NEDD4L: variants seen among roughly 807,000 people sequenced by gnomAD.
The protein encoded by NEDD4L is NEDD4 like E3 ubiquitin protein ligase.
In NEDD4L, 54 loss-of-function variants were observed where a neutral mutation model predicts 148.9. The observed-to-expected ratio is 0.36, with a 90% CI of 0.29 to 0.45. The LOEUF is 0.45. Ranked by LOEUF, NEDD4L falls within the 20% of genes least tolerant of loss-of-function variation. The probability of loss-of-function intolerance (pLI) is 1.00; values close to 1 mark genes in which losing one functional copy is unlikely to be tolerated. For missense variants in NEDD4L, 856 were observed against 1,233.8 expected, an observed-to-expected ratio of 0.69 and a Z score of 4.59; for synonymous variants, 433 against 440.7, an observed-to-expected ratio of 0.98 and a Z score of 0.22.
chr18:58,225,532 G>T lies in NEDD4L; in HGVS notation c.123-19895G>T, dbSNP rs1379571856. On this transcript the variant is annotated intron_variant, in intron 2 of 30. Coordinates refer to ENST00000400345, the MANE Select transcript of NEDD4L (RefSeq NM_001144967.3). ...TTGCTTCTTATTTTTTAAGAAAGGG[G>T]AGAAGTGTGGGCAAGGTAAAATACA... 2.6e-5 allele frequency among the ~76,000 whole-genome samples: 4 copies of T among 152,338 alleles called. No homozygotes were observed. In the East Asian group the frequency reaches 7.7e-4, roughly 29 times the overall value.
chr18:58,268,592 A>G (rs911243175), intron 5 of NEDD4L, among the ~76,000 whole-genome samples: 2 of 152,068 alleles, frequency 1.3e-5, no homozygotes, highest in African/African-American at 4.8e-5. Context: ...GATAGACACA[A>G]TCTTAGTTCA....
chr18:58,145,122 C>T (rs1466911267), intron 1 of NEDD4L, among the ~76,000 whole-genome samples: 1 of 152,104 alleles, frequency 6.6e-6, no homozygotes, highest in East Asian at 1.9e-4. Context: ...ACCCCACTGC[C>T]GATGCTGGGA....
intron 1 of NEDD4L, among the ~76,000 whole-genome samples, chr18:58,108,371 A>T (rs377207144): frequency 2.0e-5 from 3 of 152,314 alleles, no homozygotes; most frequent in African/African-American, 7.2e-5. Flanking sequence ...ATATTTTGAA[A>T]TTAAACTTCT....
chr18:58,130,984 G>T (rs1298746669), intron 1 of NEDD4L, among the ~76,000 whole-genome samples: 1 of 135,330 alleles, frequency 7.4e-6, no homozygotes, highest in Non-Finnish European at 1.6e-5. Context: ...GTTGGGCTCT[G>T]TTGGGGTTTG....
In NEDD4L at chr18:58,248,952, G is replaced by A; in HGVS notation, c.243+15G>A. 4 of 1,402,554 alleles carry A rather than the reference G, an allele frequency of 2.9e-6. No individual in the cohort carries two copies. In the East Asian group the frequency reaches 9.9e-5, roughly 35 times the overall value. 86.9% of individuals were successfully genotyped at this position (1,402,554 alleles called of 1,614,324 possible). A position where few individuals can be genotyped will look rare whatever the true frequency, so the allele number is the denominator to read the frequency against. The stretch of plus-strand genomic sequence containing the variant: ...TTTATTTCAGGGTAAGTTTTTCATT[G>A]TTTGGTAATAATTGTTATTGATACG... On this transcript the variant is annotated intron_variant, in intron 4 of 30. Coordinates refer to ENST00000400345, the MANE Select transcript of NEDD4L (RefSeq NM_001144967.3).
At chr18:58,152,846 G>C (rs479131) in intron 1 of NEDD4L, among the ~76,000 whole-genome samples, 81,411 of 152,056 alleles carry the variant, frequency 0.54, 22,495 homozygotes, top group African/African-American at 0.67. Context: ...TCTTAGGCAC[G>C]TCTTCCAGCA....
chr18:58,280,544 A>G (rs760308585), intron 5 of NEDD4L, among the ~76,000 whole-genome samples: 43 of 152,316 alleles, frequency 2.8e-4, no homozygotes, highest in Admixed American at 8.5e-4. Flanking sequence ...AAGTCTGTGC[A>G]TATTGGTAGG....
At chr18:58,147,731 A>C (rs2034248765) in intron 1 of NEDD4L, among the ~76,000 whole-genome samples, 1 of 152,234 alleles carries the variant, frequency 6.6e-6, no homozygotes, top group Non-Finnish European at 1.5e-5. Flanking sequence ...CCGATTCTAT[A>C]TTTTGAGGTT....
At chr18:58,160,803 A>C (rs762381711) in intron 1 of NEDD4L, among the ~76,000 whole-genome samples, 2 of 152,302 alleles carry the variant, frequency 1.3e-5, no homozygotes, top group African/African-American at 2.4e-5. Flanking sequence ...TGTGTCTCTA[A>C]AATGCATGTG....
chr18:58,089,341 GC>G (rs1050887690), intron 1 of NEDD4L, among the ~76,000 whole-genome samples: 1 of 151,918 alleles, frequency 6.6e-6, no homozygotes, highest in Non-Finnish European at 1.5e-5. Flanking sequence ...CACCATATTG[GC>G]CAGCCTGGTC....
intron 9 of NEDD4L, among the ~76,000 whole-genome samples, chr18:58,328,313 A>G (rs1199238086): frequency 6.6e-6 from 1 of 152,204 alleles, no homozygotes; most frequent in Non-Finnish European, 1.5e-5. Context: ...CTGAATTGAG[A>G]ACATCACATG....
At chr18:58,308,140 T>G (rs1419402660) in intron 5 of NEDD4L, among the ~76,000 whole-genome samples, 1 of 152,228 alleles carries the variant, frequency 6.6e-6, no homozygotes. Context: ...AACTTTAAAA[T>G]TAACTTTTAA....
chr18:58,211,369 A>G (rs2042587730), intron 2 of NEDD4L, among the ~76,000 whole-genome samples: 1 of 152,228 alleles, frequency 6.6e-6, no homozygotes, highest in Non-Finnish European at 1.5e-5. Flanking sequence ...GGTCTCTAGA[A>G]ATTATCTTTT....
At chr18:58,109,939 G>A (rs936727180) in intron 1 of NEDD4L, among the ~76,000 whole-genome samples, 3 of 152,194 alleles carry the variant, frequency 2.0e-5, no homozygotes, top group Admixed American at 1.3e-4. Flanking sequence ...ACTGACAGCA[G>A]CTTGGAGGCT....
intron 5 of NEDD4L, among the ~76,000 whole-genome samples, chr18:58,279,773 C>T (rs2052718549): frequency 6.6e-6 from 1 of 152,180 alleles, no homozygotes; most frequent in Admixed American, 6.5e-5. Flanking sequence ...AGTGAGCAAA[C>T]TTTCTGTAAA....
At chr18:58,200,539 T>C (rs1214285370) in intron 2 of NEDD4L, among the ~76,000 whole-genome samples, 2 of 152,228 alleles carry the variant, frequency 1.3e-5, no homozygotes, top group Non-Finnish European at 2.9e-5. Flanking sequence ...CGGTAAGTCA[T>C]GAAATACACT....
In NEDD4L at chr18:58,256,874, T is replaced by G; in HGVS notation, c.297+4820T>G. 9.2e-7 allele frequency: 1 copy of G among 1,092,524 alleles called. No homozygotes were observed. Among genetic ancestry groups the G allele is most frequent in the Non-Finnish European group, 1.2e-6 (1 of 861,352 alleles). The allele number at this position is 1,092,524 out of a possible 1,614,324, so 67.7% of individuals were successfully genotyped here. On this transcript the variant is annotated intron_variant, in intron 5 of 30. Coordinates refer to ENST00000400345, the MANE Select transcript of NEDD4L (RefSeq NM_001144967.3). This position sits in a 1 kb window ranked among gnomAD's most constrained non-coding sequence, Gnocchi z 5.2. ...AACCTCACCCTCTGTTCCGGGAGTT[T>G]CCCTGCTTCAGGCCAGTGGATCTGA...
Position 58,370,295 on chromosome 18 carries a change from G to A in NEDD4L, c.2186-102G>A, listed in dbSNP as rs547166518. 6.1e-4 allele frequency: 457 copies of A among 755,198 alleles called. 3 individuals are homozygous for A. In the Middle Eastern group the frequency reaches 7.2e-3, roughly 12 times the overall value. 46.8% of individuals were successfully genotyped at this position (755,198 alleles called of 1,614,324 possible). On this transcript the variant is annotated intron_variant, in intron 22 of 30. Coordinates refer to ENST00000400345, the MANE Select transcript of NEDD4L (RefSeq NM_001144967.3). ...GAAGGCCCTTGGTTACTCCTTCATG[G>A]TTTCTCATTTACATTGAAAGCAGGT...
intron 11 of NEDD4L, among the ~76,000 whole-genome samples, chr18:58,332,487 AAAAT>A (rs1347831412): frequency 1.3e-5 from 2 of 152,120 alleles, no homozygotes; most frequent in African/African-American, 4.8e-5. Flanking sequence ...GTCTCTACTA[AAAAT>A]GCAAAACTTA....
Sources: allele counts gnomAD v4.1 joint callset (sites outside exome capture counted in the v4.1 genomes callset), GRCh38; gene constraint gnomAD v4.1.1; non-coding constraint Gnocchi (gnomAD v3.1); transcripts MANE v1.5; gene names NCBI Gene and HGNC (gene_info 2026-07-23, HGNC 2026-07-21).